CLVS1: variants seen among roughly 807,000 people sequenced by gnomAD.
CLVS1 encodes the protein clavesin 1, also known as clavesin-1.
In CLVS1, 10 loss-of-function variants were observed where a neutral mutation model predicts 33.1. That is an observed-to-expected ratio of 0.30 (90% CI 0.19 to 0.51). CLVS1 has a LOEUF of 0.51. Ranked by LOEUF, CLVS1 falls within the 20% of genes least tolerant of loss-of-function variation. The probability of loss-of-function intolerance (pLI) is 0.97; values close to 1 mark genes in which losing one functional copy is unlikely to be tolerated. For missense variants in CLVS1, 343 were observed against 433.4 expected, an observed-to-expected ratio of 0.79 and a Z score of 1.85; for synonymous variants, 163 against 166.1, an observed-to-expected ratio of 0.98 and a Z score of 0.14.
At chr8:61,497,660 G>T (rs1304309786) in intron 5 of CLVS1, among the ~76,000 whole-genome samples, 1 of 152,170 alleles carries the variant, frequency 6.6e-6, no homozygotes, top group Non-Finnish European at 1.5e-5. Flanking sequence ...CAAGAGAGGG[G>T]TTCTTGGATC....
intron 2 of CLVS1, among the ~76,000 whole-genome samples, chr8:61,303,219 A>G (rs1282716321): frequency 6.6e-6 from 1 of 152,204 alleles, no homozygotes; most frequent in African/African-American, 2.4e-5. Context: ...ATGGTAAAAT[A>G]TTTTATTTTG....
At chr8:60,966,420 C>G in the CLVS1 span, 1 of 455,332 alleles carries the variant, frequency 2.2e-6, no homozygotes, top group Non-Finnish European at 4.4e-6. Context: ...GCTTTGGTCA[C>G]TGCTATGGCG....
chr8:61,331,948 G>T (rs1445765448), intron 2 of CLVS1, among the ~76,000 whole-genome samples: 1 of 151,970 alleles, frequency 6.6e-6, no homozygotes, highest in East Asian at 1.9e-4. Flanking sequence ...ATCATCCCTT[G>T]GATGGGGTGC....
At chr8:61,020,158 T>C in the CLVS1 span, among the ~76,000 whole-genome samples, 1 of 152,182 alleles carries the variant, frequency 6.6e-6, no homozygotes, top group Non-Finnish European at 1.5e-5. Context: ...TAAGTAAATA[T>C]AGAGAGTGTT....
chr8:61,248,707 A>G (rs1233071806), intron 2 of CLVS1, among the ~76,000 whole-genome samples: 1 of 152,122 alleles, frequency 6.6e-6, no homozygotes, highest in Non-Finnish European at 1.5e-5. Context: ...TCTGTAGACA[A>G]TGCTTAGAGT....
chr8:61,114,304 T>C (rs1419680672), intron 1 of CLVS1, among the ~76,000 whole-genome samples: 1 of 152,224 alleles, frequency 6.6e-6, no homozygotes, highest in Non-Finnish European at 1.5e-5. Context: ...ATCCCACCCA[T>C]AGATATAAAA....
chr8:61,292,954 C>T (rs1269645556), intron 1 of CLVS1, among the ~76,000 whole-genome samples: 4 of 152,140 alleles, frequency 2.6e-5, no homozygotes, highest in African/African-American at 9.7e-5. Flanking sequence ...CTAATTCTGA[C>T]CTGGCATCTA....
the CLVS1 span, among the ~76,000 whole-genome samples, chr8:60,998,695 G>A: frequency 6.6e-6 from 1 of 152,264 alleles, no homozygotes; most frequent in African/African-American, 2.4e-5. Flanking sequence ...GAATAAATAT[G>A]ACCCTGAAAG....
At chr8:61,458,703 A>C (rs1586003948) in intron 5 of CLVS1, 161 bp downstream of exon 5, 2 of 575,404 alleles carry the variant, frequency 3.5e-6, no homozygotes, top group East Asian at 5.9e-5. Context: ...ACTGAAAACA[A>C]ATGGGGCTTG....
At chr8:61,176,373 C>T (rs542027911) in intron 2 of CLVS1, among the ~76,000 whole-genome samples, 1 of 152,314 alleles carries the variant, frequency 6.6e-6, no homozygotes, top group South Asian at 2.1e-4. Context: ...GACTCATAAA[C>T]AAGCCCAGCC....
At chr8:61,158,741 A>G (rs570586216) in intron 2 of CLVS1, among the ~76,000 whole-genome samples, 52 of 152,300 alleles carry the variant, frequency 3.4e-4, no homozygotes, top group Middle Eastern at 6.8e-3. Flanking sequence ...ACTAAATGAC[A>G]ATGGTAAGAA....
At chr8:61,181,525 A>G (rs528640903) in intron 2 of CLVS1, among the ~76,000 whole-genome samples, 1 of 152,252 alleles carries the variant, frequency 6.6e-6, no homozygotes, top group Admixed American at 6.5e-5. Flanking sequence ...TATAGCCAAG[A>G]CAATTCTAAG....
the CLVS1 span, among the ~76,000 whole-genome samples, chr8:60,973,938 A>G: frequency 6.6e-6 from 1 of 152,142 alleles, no homozygotes; most frequent in Non-Finnish European, 1.5e-5. Context: ...CACTGTAACA[A>G]GATGATCTGT....
the CLVS1 span, among the ~76,000 whole-genome samples, chr8:61,026,432 C>T: frequency 6.6e-6 from 1 of 152,220 alleles, no homozygotes. Flanking sequence ...AACCCCAGCC[C>T]TAGCTGAGGT....
At chr8:61,250,163 A>G (rs1471224201) in intron 2 of CLVS1, among the ~76,000 whole-genome samples, 1 of 152,128 alleles carries the variant, frequency 6.6e-6, no homozygotes, top group African/African-American at 2.4e-5. Flanking sequence ...AACACCATCT[A>G]TTCAATAGGG....
At chr8:61,212,060 T>A (rs753613328) in intron 2 of CLVS1, among the ~76,000 whole-genome samples, 8 of 152,148 alleles carry the variant, frequency 5.3e-5, no homozygotes, top group Non-Finnish European at 1.0e-4. Context: ...GTATCAGACT[T>A]CCCACCCCCA....
intron 3 of CLVS1, among the ~76,000 whole-genome samples, chr8:61,445,506 C>A (rs1816725803): frequency 6.6e-6 from 1 of 152,194 alleles, no homozygotes; most frequent in South Asian, 2.1e-4. Context: ...CTCCCCTTCA[C>A]CTTCAGCCAT....
intron 1 of CLVS1, among the ~76,000 whole-genome samples, chr8:61,088,808 CTT>C (rs557957060): frequency 1.4e-5 from 2 of 141,712 alleles, no homozygotes; most frequent in Admixed American, 7.1e-5. Flanking sequence ...TTTTCTTTTT[CTT>C]TTTTTTTTTG....
chr8:61,256,657 AT>A (rs1258565278), intron 2 of CLVS1, among the ~76,000 whole-genome samples: 7 of 152,252 alleles, frequency 4.6e-5, no homozygotes, highest in Non-Finnish European at 8.8e-5. Context: ...AAAAAAAAAA[AT>A]ATTATTTTAA....
Sources: gnomAD v4.1 joint callset for allele counts (sites outside exome capture counted in the v4.1 genomes callset) on GRCh38, gnomAD v4.1.1 for gene constraint, MANE v1.5 for transcripts, NCBI Gene and HGNC (gene_info 2026-07-23, HGNC 2026-07-21) for gene names.